EXOC4: variants seen among roughly 807,000 people sequenced by gnomAD.
EXOC4 encodes the protein exocyst complex component 4.
A neutral mutation model predicts 107.2 loss-of-function variants in EXOC4; 71 were observed. That is an observed-to-expected ratio of 0.66 (90% CI 0.55 to 0.81). EXOC4 has a LOEUF of 0.81. EXOC4 is among the 30% of genes least tolerant of loss of function. The pLI is 0.00. For synonymous variants in EXOC4, 456 were observed against 441.2 expected (o/e 1.03, Z -0.42); for missense variants, 1,108 against 1,189.6 (o/e 0.93, Z 1.01).
intron 9 of EXOC4, among the ~76,000 whole-genome samples, chr7:133,620,874 A>C (rs1166720255): frequency 6.6e-6 from 1 of 152,230 alleles, no homozygotes; most frequent in African/African-American, 2.4e-5. Flanking sequence ...ACCTTAAAAT[A>C]AAGTGAGTTG....
chr7:133,568,583 C>G (rs1329898022), intron 9 of EXOC4, among the ~76,000 whole-genome samples: 1 of 152,122 alleles, frequency 6.6e-6, no homozygotes, highest in Non-Finnish European at 1.5e-5. Context: ...TTATTTATGA[C>G]TTCACTATTT....
intron 10 of EXOC4, among the ~76,000 whole-genome samples, chr7:133,661,803 G>T (rs1793694533): frequency 6.6e-6 from 1 of 151,444 alleles, no homozygotes; most frequent in South Asian, 2.1e-4. Flanking sequence ...TGCTTTATAG[G>T]ACTATATTGG....
At chr7:133,919,711 G>A (rs945164039) in intron 13 of EXOC4, among the ~76,000 whole-genome samples, 2 of 151,888 alleles carry the variant, frequency 1.3e-5, no homozygotes, top group African/African-American at 4.8e-5. Flanking sequence ...TTTATTTTGT[G>A]GTATTATTGC....
At chr7:133,340,758 G>A (rs1270786780) in intron 5 of EXOC4, among the ~76,000 whole-genome samples, 1 of 151,948 alleles carries the variant, frequency 6.6e-6, no homozygotes, top group Non-Finnish European at 1.5e-5. Flanking sequence ...ATCTAGGAGG[G>A]TTGTATATTT....
At chr7:134,026,142 T>C (rs897586612) in intron 17 of EXOC4, among the ~76,000 whole-genome samples, 1 of 152,160 alleles carries the variant, frequency 6.6e-6, no homozygotes, top group African/African-American at 2.4e-5. Flanking sequence ...TGGTTGGCTT[T>C]AGGCTTGCTT....
Position 133,440,062 on chromosome 7 carries a change from A to C in EXOC4, c.1183-35266A>C, listed in dbSNP as rs191832962. Among the ~76,000 whole-genome samples, 221 of 152,350 alleles carry C rather than the reference A, an allele frequency of 1.5e-3. 2 individuals are homozygous for C. The highest frequency in any genetic ancestry group is 4.9e-3 in the African/African-American group (205 of 41,564). ...ATAAATTTAGTGATTACATTGAATA[A>C]TCACTTACTGGCAACCCTCTCCCAC... On this transcript the variant is annotated intron_variant, in intron 7 of 17. Transcript: ENST00000253861.
chr7:134,099,378 C>T, the EXOC4 span, among the ~76,000 whole-genome samples: 7 of 151,922 alleles, frequency 4.6e-5, no homozygotes, highest in African/African-American at 7.3e-5. Flanking sequence ...TCCTGAAGAC[C>T]GTCATGTGAC....
At chr7:133,452,032 T>G (rs1261414642) in intron 7 of EXOC4, among the ~76,000 whole-genome samples, 1 of 152,242 alleles carries the variant, frequency 6.6e-6, no homozygotes, top group African/African-American at 2.4e-5. Context: ...TATATTCACA[T>G]TAGTGTTACC....
chr7:133,941,033 T>C (rs1800415154), intron 14 of EXOC4, among the ~76,000 whole-genome samples: 1 of 151,966 alleles, frequency 6.6e-6, no homozygotes, highest in African/African-American at 2.4e-5. Context: ...TTCTTTTTTT[T>C]TTTTGAGATG....
At chr7:133,341,544 T>C (rs749426589) in intron 5 of EXOC4, among the ~76,000 whole-genome samples, 1 of 152,196 alleles carries the variant, frequency 6.6e-6, no homozygotes, top group Non-Finnish European at 1.5e-5. Context: ...ATATCTGTTA[T>C]GTCCATTTGT....
At chr7:133,402,420 A>G (rs1200474653) in intron 7 of EXOC4, among the ~76,000 whole-genome samples, 4 of 152,352 alleles carry the variant, frequency 2.6e-5, no homozygotes, top group South Asian at 2.1e-4. Flanking sequence ...ATGAATCACA[A>G]TCACTGGGGG....
At position 133,726,454 on chromosome 7, in the gene EXOC4, C is replaced by T. The variant is rs934601920; in HGVS notation, c.1515-90871C>T. Among the ~76,000 whole-genome samples the T allele has an allele frequency of 3.9e-5, 6 of 152,334 alleles. No homozygotes were observed. The East Asian group carries it at 5.8e-4, about 15-fold the overall frequency. On this transcript the variant is annotated intron_variant, in intron 10 of 17. Coordinates refer to ENST00000253861, the MANE Select transcript of EXOC4 (RefSeq NM_021807.4). ...ACTTCTGTTGAGTTCTAATGTACAA[C>T]ACCCCCTTACCCCATTCAGAGGCCT...
At chr7:134,085,759 A>G in the EXOC4 span, among the ~76,000 whole-genome samples, 3 of 152,220 alleles carry the variant, frequency 2.0e-5, no homozygotes, top group Non-Finnish European at 4.4e-5. Flanking sequence ...AACAACCAAT[A>G]GCAATGATTT....
chr7:133,301,610 A>G (rs1268490035), intron 3 of EXOC4, among the ~76,000 whole-genome samples: 4 of 152,230 alleles, frequency 2.6e-5, no homozygotes, highest in South Asian at 4.1e-4. Flanking sequence ...CTTAGGGAAC[A>G]GTGTTGCCAA....
At chr7:133,571,412 T>C (rs1801021028) in intron 9 of EXOC4, among the ~76,000 whole-genome samples, 1 of 152,228 alleles carries the variant, frequency 6.6e-6, no homozygotes, top group Non-Finnish European at 1.5e-5. Flanking sequence ...CAGTGGCTTA[T>C]GCCTGTAATC....
At chr7:133,784,470 A>T (rs1412978004) in intron 10 of EXOC4, among the ~76,000 whole-genome samples, 1 of 152,052 alleles carries the variant, frequency 6.6e-6, no homozygotes, top group Non-Finnish European at 1.5e-5. Context: ...TATTCAGGGG[A>T]TAGAGCACAG....
intron 9 of EXOC4, among the ~76,000 whole-genome samples, chr7:133,587,135 T>C (rs1321841678): frequency 6.6e-6 from 1 of 152,136 alleles, no homozygotes; most frequent in Non-Finnish European, 1.5e-5. Flanking sequence ...TGCCTGGCCC[T>C]GATCCCATTT....
intron 11 of EXOC4, among the ~76,000 whole-genome samples, chr7:133,885,278 C>T (rs1799057770): frequency 2.0e-5 from 3 of 150,022 alleles, no homozygotes; most frequent in South Asian, 2.1e-4. Context: ...CGCGCTGCTG[C>T]ACTCCAGCCT....
chr7:133,423,882 C>G (rs1165508210), intron 7 of EXOC4, among the ~76,000 whole-genome samples: 2 of 152,172 alleles, frequency 1.3e-5, no homozygotes, highest in South Asian at 4.1e-4. Context: ...GGGACGAGCT[C>G]CCTCTGGGCT....
Sources: gnomAD v4.1 joint callset for allele counts (sites outside exome capture counted in the v4.1 genomes callset) on GRCh38, gnomAD v4.1.1 for gene constraint, MANE v1.5 for transcripts, NCBI Gene and HGNC (gene_info 2026-07-23, HGNC 2026-07-21) for gene names.